PPARA: variants seen among roughly 807,000 people sequenced by gnomAD.
The protein encoded by PPARA is peroxisome proliferator activated receptor alpha.
Under a neutral mutation model 42.2 loss-of-function variants are expected in PPARA, and 22 were observed. The ratio of observed to expected loss-of-function variants is 0.52; its 90% CI spans 0.37 to 0.74. The LOEUF is 0.74. Among genes scored for constraint, PPARA ranks in the 30% least tolerant of loss-of-function variants. The probability of loss-of-function intolerance (pLI) is 0.00; values close to 1 mark genes in which losing one functional copy is unlikely to be tolerated. For synonymous variants in PPARA, 242 were observed against 239.3 expected, an observed-to-expected ratio of 1.01 and a Z score of -0.10; for missense variants, 465 against 608.2, an observed-to-expected ratio of 0.76 and a Z score of 2.48.
rs1277799365 is a variant in PPARA at position 46,242,968 on chromosome 22, G to A, written c.*7588G>A. 3 of 152,648 alleles carry A rather than the reference G, an allele frequency of 2.0e-5. No homozygotes were observed. In the East Asian group the frequency reaches 5.8e-4, roughly 29 times the overall value. 9.5% of individuals were successfully genotyped at this position (152,648 alleles called of 1,614,324 possible). On this transcript the variant is annotated 3_prime_UTR_variant, in exon 9 of 9. Transcript: ENST00000407236. This position sits in a 1 kb window ranked among gnomAD's most constrained non-coding sequence, Gnocchi z 6.1. ...CACTATTCTTGTTTAGTAAATAGCT[G>A]TCTGCTCTTCAGGGAACTGTTACCT... is the stretch of plus-strand genomic sequence containing the variant.
Position 46,243,331 on chromosome 22 carries a change from T to C in PPARA, c.*7951T>C, listed in dbSNP as rs1463719912. 6.6e-6 allele frequency: 1 copy of C among 152,174 alleles called. No individual in the cohort carries two copies. The highest frequency in any genetic ancestry group is 1.9e-4 in the East Asian group (1 of 5,190). 9.4% of individuals were successfully genotyped at this position (152,174 alleles called of 1,614,324 possible). On this transcript the variant is annotated 3_prime_UTR_variant, in exon 9 of 9. Coordinates refer to ENST00000407236, the MANE Select transcript of PPARA (RefSeq NM_005036.6). The surrounding 1 kb of genome is among the most constrained non-coding windows in gnomAD (Gnocchi z 5.0). ...GTGAGTGCCTTATACTCTCAGTATT[T>C]TGGGGCTTACAGCTTCTTATTTGTG...
rs193173574 is a variant in PPARA, at chr22:46,174,070, C to T, written c.-126-2683C>T. 5.3e-5 allele frequency among the ~76,000 whole-genome samples: 8 copies of T among 150,526 alleles called. No homozygotes were observed. The East Asian group carries it at 1.2e-3, about 22-fold the overall frequency. ...GTGCACGTCTGTAGTCCCAGCTACT[C>T]GGGAGGCTGAGGCAGGAGAATTGCT... On this transcript the variant is annotated intron_variant, in intron 2 of 8. Transcript: ENST00000407236.
In PPARA at chr22:46,162,835, T is replaced by G. The variant is rs761138155; in HGVS notation, c.-127+10865T>G. On this transcript the variant is annotated intron_variant, in intron 2 of 8. Transcript: ENST00000407236. The surrounding 1 kb of genome is among the most constrained non-coding windows in gnomAD (Gnocchi z 6.0). ...TTTGTCCTTCAGATAACCTATGGCA[T>G]TTGAGTCACTCTGATTTGATGAATT... Among the ~76,000 whole-genome samples, 2 of 152,240 alleles carry G rather than the reference T, an allele frequency of 1.3e-5. No individual in the cohort carries two copies. The highest frequency in any genetic ancestry group is 2.9e-5 in the Non-Finnish European group (2 of 68,026).
Position 46,160,764 on chromosome 22 carries a change from C to T in PPARA, c.-127+8794C>T, listed in dbSNP as rs536744855. ...TACAGGTGCACACCACCACACCCAA[C>T]TAGATTTTGTGTTTTTTGTAGAGAT... On this transcript the variant is annotated intron_variant, in intron 2 of 8. Coordinates refer to ENST00000407236, the MANE Select transcript of PPARA (RefSeq NM_005036.6). This position sits in a 1 kb window ranked among gnomAD's most constrained non-coding sequence, Gnocchi z 4.5. 2.0e-5 allele frequency among the ~76,000 whole-genome samples: 3 copies of T among 152,284 alleles called. No homozygotes were observed. The highest frequency in any genetic ancestry group is 2.0e-4 in the Admixed American group (3 of 15,290).
intron 4 of PPARA, among the ~76,000 whole-genome samples, chr22:46,205,144 G>A (rs1209676665): frequency 3.9e-5 from 6 of 151,938 alleles, no homozygotes; most frequent in Admixed American, 2.6e-4. Context: ...GATTACAGGT[G>A]TGAGCCATCA....
intron 2 of PPARA, chr22:46,164,717 A>G (rs1191418368): frequency 1.3e-5 from 2 of 152,256 alleles, no homozygotes; most frequent in Non-Finnish European, 2.9e-5. Flanking sequence ...CTCTCCACTT[A>G]AATCTACACC....
Position 46,225,974 on chromosome 22 carries a change from TAC to T in PPARA, c.712-5816_712-5815del, listed in dbSNP as rs917413671. Reference sequence around the variant, plus strand: ...GCACACACAAATCCACATTCACCCATACAGTCACACACATGCATACACACACA... The same window carrying T: ...GCACACACAAATCCACATTCACCCATAGTCACACACATGCATACACACACA... On this transcript the variant is annotated intron_variant, in intron 7 of 8. Coordinates refer to ENST00000407236, the MANE Select transcript of PPARA (RefSeq NM_005036.6). This position sits in a 1 kb window ranked among gnomAD's most constrained non-coding sequence, Gnocchi z 4.1. Among the ~76,000 whole-genome samples, 59 of 144,826 alleles carry T rather than the reference TAC, an allele frequency of 4.1e-4. No homozygotes were observed. The highest frequency in any genetic ancestry group is 1.5e-3 in the African/African-American group (54 of 35,650).
chr22:46,177,276 A>G (rs1287051489), intron 3 of PPARA, among the ~76,000 whole-genome samples: 1 of 151,984 alleles, frequency 6.6e-6, no homozygotes, highest in African/African-American at 2.4e-5. Context: ...TTCCTTTACT[A>G]TTTTATTGAG....
At position 46,171,371 on chromosome 22, in the gene PPARA, A is replaced by G. The variant is rs979976327; in HGVS notation, c.-126-5382A>G. 5.3e-5 allele frequency: 8 copies of G among 152,234 alleles called. No individual in the cohort carries two copies. The highest frequency in any genetic ancestry group is 5.2e-4 in the Admixed American group (8 of 15,272). 9.4% of individuals were successfully genotyped at this position (152,234 alleles called of 1,614,324 possible). On this transcript the variant is annotated intron_variant, in intron 2 of 8. Transcript: ENST00000407236. The surrounding 1 kb of genome is among the most constrained non-coding windows in gnomAD (Gnocchi z 5.0). ...TACGTAAGTGAACAAAACCCATGACACCCTCGTCTATGAGAGCTGATCCTC... is the reference window on the plus strand; with the variant it reads ...TACGTAAGTGAACAAAACCCATGACGCCCTCGTCTATGAGAGCTGATCCTC...
chr22:46,187,633 C>T lies in PPARA; in HGVS notation c.-42-10709C>T, dbSNP rs1930997550. On this transcript the variant is annotated intron_variant, in intron 3 of 8. Transcript: ENST00000407236. This position sits in a 1 kb window ranked among gnomAD's most constrained non-coding sequence, Gnocchi z 4.9. ...TACAAATCTGATCACGTCACACTTC[C>T]CTTCAATAGTCTTCCATGGCTCCTT... Among the ~76,000 whole-genome samples the T allele has an allele frequency of 6.6e-6, 1 of 152,210 alleles. No individual in the cohort carries two copies. Among genetic ancestry groups the T allele is most frequent in the African/African-American group, 2.4e-5 (1 of 41,454 alleles).
intron 7 of PPARA, among the ~76,000 whole-genome samples, chr22:46,226,541 C>G (rs1306644961): frequency 6.6e-6 from 1 of 152,130 alleles, no homozygotes; most frequent in Non-Finnish European, 1.5e-5. Flanking sequence ...ATCTTAAAGT[C>G]TTTGAATAGC....
chr22:46,214,803 A>G (rs1439031845), intron 4 of PPARA, among the ~76,000 whole-genome samples: 1 of 149,124 alleles, frequency 6.7e-6, no homozygotes, highest in Middle Eastern at 3.5e-3. Context: ...AGATGCTCAG[A>G]TCGAAGATGT....
chr22:46,206,921 A>G (rs1003095502), intron 4 of PPARA, among the ~76,000 whole-genome samples: 1 of 152,074 alleles, frequency 6.6e-6, no homozygotes, highest in Admixed American at 6.6e-5. Flanking sequence ...CCTTCATTCT[A>G]GAAAGTATGT....
Position 46,156,947 on chromosome 22 carries a change from C to A in PPARA, c.-127+4977C>A, listed in dbSNP as rs983004185. On this transcript the variant is annotated intron_variant, in intron 2 of 8. Coordinates refer to ENST00000407236, the MANE Select transcript of PPARA (RefSeq NM_005036.6). The surrounding 1 kb of genome is among the most constrained non-coding windows in gnomAD (Gnocchi z 5.2). ...ATTGTGACCTCAGGTTTTGGCAGGG[C>A]TATACCTTGTGTTTGCTCTTACTCC... 6.6e-6 allele frequency among the ~76,000 whole-genome samples: 1 copy of A among 152,156 alleles called. No individual in the cohort carries two copies. The highest frequency in any genetic ancestry group is 1.5e-5 in the Non-Finnish European group (1 of 68,040).
At position 46,161,549 on chromosome 22, in the gene PPARA, G is replaced by T. The variant is rs1601604262; in HGVS notation, c.-127+9579G>T. On this transcript the variant is annotated intron_variant, in intron 2 of 8. Coordinates refer to ENST00000407236, the MANE Select transcript of PPARA (RefSeq NM_005036.6). This position sits in a 1 kb window ranked among gnomAD's most constrained non-coding sequence, Gnocchi z 4.8. ...TGCAGTGAACCAAGATTGTGCCACT[G>T]CACTCCAGCCTGGCAACAGCGAGAC... 1.3e-5 allele frequency among the ~76,000 whole-genome samples: 2 copies of T among 152,094 alleles called. No individual in the cohort carries two copies. Among genetic ancestry groups the T allele is most frequent in the East Asian group, 1.9e-4 (1 of 5,202 alleles).
At chr22:46,181,685 C>G (rs1309527554) in intron 3 of PPARA, among the ~76,000 whole-genome samples, 1 of 152,052 alleles carries the variant, frequency 6.6e-6, no homozygotes, top group Non-Finnish European at 1.5e-5. Context: ...AATGATTGGT[C>G]ATATATTTAG....
rs1235188075 is a variant in PPARA at position 46,200,861 on chromosome 22, T to C, written c.208+2270T>C. Among the ~76,000 whole-genome samples the C allele has an allele frequency of 2.6e-5, 4 of 151,700 alleles. No individual in the cohort carries two copies. The highest frequency in any genetic ancestry group is 5.9e-5 in the Non-Finnish European group (4 of 67,920). On this transcript the variant is annotated intron_variant, in intron 4 of 8. Coordinates refer to ENST00000407236, the MANE Select transcript of PPARA (RefSeq NM_005036.6). This position sits in a 1 kb window ranked among gnomAD's most constrained non-coding sequence, Gnocchi z 4.8. The stretch of plus-strand genomic sequence containing the variant: ...ATTGCTTGAACCCAGGAGGCAGAGG[T>C]TGCAGTGAGCAGAGATCATGCCACT...
chr22:46,198,574 A>C lies in PPARA; in HGVS notation c.191A>C (p.Asp64Ala). 1 of 1,607,300 alleles carries C rather than the reference A, an allele frequency of 6.2e-7. No individual in the cohort carries two copies. The change falls in exon 4 of 9, where the codon GAT becomes GCT. Residue 64 changes from aspartate (D) to alanine (A), a missense_variant. By Grantham distance (126) the Asp-to-Ala change is moderately radical. Transcript: ENST00000407236. ...YQYLGSCPGS[D>A]GSVITDTLSP... ...TATTTAGGAAGCTGTCCTGGCTCAG[A>C]TGGCTCGGTCATCACGGGTAAGTGT...
Position 46,239,120 on chromosome 22 carries a change from T to C in PPARA, c.*3740T>C, listed in dbSNP as rs1936298885. The C allele has an allele frequency of 6.6e-6, 1 of 152,176 alleles. No individual in the cohort carries two copies. The highest frequency in any genetic ancestry group is 2.4e-5 in the African/African-American group (1 of 41,426). The allele number at this position is 152,176 out of a possible 1,614,324, so 9.4% of individuals were successfully genotyped here. On this transcript the variant is annotated 3_prime_UTR_variant, in exon 9 of 9. Transcript: ENST00000407236. ...GTCCCTGTTTTAAAGAGCTGTGTTT[T>C]GTTTTGTTTCGCATTTAGAGAGCAG...
Sources: allele counts gnomAD v4.1 joint callset (sites outside exome capture counted in the v4.1 genomes callset), GRCh38; gene constraint gnomAD v4.1.1; non-coding constraint Gnocchi (gnomAD v3.1); transcripts MANE v1.5; gene names NCBI Gene and HGNC (gene_info 2026-07-23, HGNC 2026-07-21).